Variants in ZFHX3 observed in about 807,000 individuals in gnomAD.
The protein encoded by ZFHX3 is zinc finger homeobox protein 3.
Under a neutral mutation model 279.1 loss-of-function variants are expected in ZFHX3, and 42 were observed. That is an observed-to-expected ratio of 0.15 (90% CI 0.12 to 0.19). The LOEUF (loss-of-function observed/expected upper bound fraction) is 0.19. Among genes scored for constraint, ZFHX3 ranks in the 10% least tolerant of loss-of-function variants. The probability of loss-of-function intolerance (pLI) is 1.00; values close to 1 mark genes in which losing one functional copy is unlikely to be tolerated. For missense variants in ZFHX3, 4,981 were observed against 4,754.0 expected (o/e 1.05, Z -1.40); for synonymous variants, 2,293 against 1,957.8 (o/e 1.17, Z -4.52).
At chr16:73,642,394 A>C (rs185591146) in intron 2 of ZFHX3, among the ~76,000 whole-genome samples, 199 of 152,044 alleles carry the variant, frequency 1.3e-3, no homozygotes, top group Non-Finnish European at 1.1e-3. Context: ...CTCTCTTTTT[A>C]CTTCTGTCAT....
At chr16:73,487,741 G>C (rs957040500) in intron 2 of ZFHX3, 1 of 162,946 alleles carries the variant, frequency 6.1e-6, no homozygotes, top group African/African-American at 2.4e-5. Flanking sequence ...ACTAACTCTG[G>C]GCTTGGCTTT....
intron 5 of ZFHX3, among the ~76,000 whole-genome samples, chr16:73,146,686 A>T (rs1597182224): frequency 6.6e-6 from 1 of 151,592 alleles, no homozygotes. Flanking sequence ...ATTTTTTGAG[A>T]CAGTGTTTTG....
At chr16:73,848,248 A>C (rs1961502022) in intron 1 of ZFHX3, among the ~76,000 whole-genome samples, 2 of 152,038 alleles carry the variant, frequency 1.3e-5, no homozygotes, top group African/African-American at 4.8e-5. Flanking sequence ...AGACTCCCTT[A>C]GGAGCACTCA....
At chr16:73,588,939 G>C (rs936545693) in intron 2 of ZFHX3, among the ~76,000 whole-genome samples, 1 of 151,830 alleles carries the variant, frequency 6.6e-6, no homozygotes, top group Non-Finnish European at 1.5e-5. Flanking sequence ...AGAGAGCCCA[G>C]AGTCTGGTTC....
Position 72,848,698 on chromosome 16 carries a change from G to C in ZFHX3, c.3449-18839C>G, listed in dbSNP as rs984832019. ...TGGCCTGCCAGTGCCTGCCCCTCTT[G>C]CCCGCCCTCCTGATCAGATGCCCCC... On this transcript the variant is annotated intron_variant, in intron 4 of 9. Transcript: ENST00000268489. 5.4e-5 allele frequency among the ~76,000 whole-genome samples: 7 copies of C among 128,660 alleles called. No homozygotes were observed. The Admixed American group carries it at 5.5e-4, about 10-fold the overall frequency. 84.4% of individuals were successfully genotyped at this position (128,660 alleles called of 152,430 possible).
chr16:73,578,496 G>C (rs374172774), intron 2 of ZFHX3, among the ~76,000 whole-genome samples: 2 of 152,066 alleles, frequency 1.3e-5, no homozygotes, highest in Non-Finnish European at 2.9e-5. Flanking sequence ...AAAATGCTAA[G>C]AGGCTTTATG....
At chr16:73,719,370 C>A (rs2053451276) in intron 1 of ZFHX3, among the ~76,000 whole-genome samples, 1 of 152,176 alleles carries the variant, frequency 6.6e-6, no homozygotes. Context: ...TGCGTGGTCA[C>A]CAGCATTTTG....
chr16:72,804,469 A>G (rs2036203350), intron 7 of ZFHX3, among the ~76,000 whole-genome samples: 2 of 152,228 alleles, frequency 1.3e-5, no homozygotes, highest in South Asian at 4.1e-4. Context: ...TTAGGAAATT[A>G]CAAGCTCCCC....
intron 2 of ZFHX3, among the ~76,000 whole-genome samples, chr16:73,645,325 C>T (rs1233146562): frequency 3.3e-5 from 5 of 152,272 alleles, no homozygotes; most frequent in African/African-American, 9.6e-5. Flanking sequence ...GGCATGATCT[C>T]GGCTCACTGC....
intron 3 of ZFHX3, among the ~76,000 whole-genome samples, chr16:73,337,938 A>G (rs2015950037): frequency 7.3e-6 from 1 of 136,284 alleles, no homozygotes; most frequent in African/African-American, 2.6e-5. Context: ...CCTCTGCCTC[A>G]TGTTTTGCTT....
chr16:73,683,691 G>A (rs2053049993), intron 1 of ZFHX3, among the ~76,000 whole-genome samples: 1 of 152,098 alleles, frequency 6.6e-6, no homozygotes, highest in Non-Finnish European at 1.5e-5. Flanking sequence ...ACATGTTTCA[G>A]GGATTTTAGG....
rs2012756558 is a variant in ZFHX3, at chr16:73,231,039, T to C, written c.-1104+26008A>G. On this transcript the variant is annotated intron_variant, in intron 5 of 17. Coordinates refer to the ZFHX3 transcript ENST00000641206. The stretch of plus-strand genomic sequence containing the variant: ...GGGTGATGTGAGCCCAGAGAGATTG[T>C]ATTACCAAATTGCAAAAACGGAGTG... Among the ~76,000 whole-genome samples, 3 of 152,166 alleles carry C rather than the reference T, an allele frequency of 2.0e-5. No homozygotes were observed. In the South Asian group the frequency reaches 6.2e-4, roughly 31 times the overall value.
chr16:73,592,366 G>A (rs1231016202), intron 2 of ZFHX3, among the ~76,000 whole-genome samples: 1 of 151,912 alleles, frequency 6.6e-6, no homozygotes, highest in African/African-American at 2.4e-5. Flanking sequence ...GAGAGAAGGG[G>A]GTGGGATGTG....
At chr16:73,763,110 T>C (rs963370950) in intron 1 of ZFHX3, among the ~76,000 whole-genome samples, 3 of 152,150 alleles carry the variant, frequency 2.0e-5, no homozygotes, top group Non-Finnish European at 4.4e-5. Context: ...ATTAAGTCTG[T>C]GAAAATTAAG....
chr16:73,215,174 A>G (rs561502763), intron 5 of ZFHX3, among the ~76,000 whole-genome samples: 28 of 152,250 alleles, frequency 1.8e-4, no homozygotes, highest in Non-Finnish European at 3.2e-4. Context: ...GACAGCATCT[A>G]CTGGGTATGA....
At chr16:73,572,200 G>C (rs2051747207) in intron 2 of ZFHX3, among the ~76,000 whole-genome samples, 1 of 148,254 alleles carries the variant, frequency 6.7e-6, no homozygotes, top group Admixed American at 6.8e-5. Flanking sequence ...TTTCTGAATT[G>C]GCAGCTCAGA....
chr16:73,234,228 A>G (rs1385404864), intron 5 of ZFHX3, among the ~76,000 whole-genome samples: 3 of 152,078 alleles, frequency 2.0e-5, no homozygotes, highest in African/African-American at 7.2e-5. Flanking sequence ...CCATCCCTGG[A>G]CTCTGTGGCT....
chr16:73,180,910 G>A (rs1452547305), intron 5 of ZFHX3, among the ~76,000 whole-genome samples: 2 of 152,086 alleles, frequency 1.3e-5, no homozygotes, highest in South Asian at 2.1e-4. Context: ...TGATCCACCC[G>A]CCTTGGCCGC....
chr16:73,226,595 A>G (rs993653020), intron 5 of ZFHX3, among the ~76,000 whole-genome samples: 1 of 152,214 alleles, frequency 6.6e-6, no homozygotes, highest in African/African-American at 2.4e-5. Flanking sequence ...CAGAGCGTGT[A>G]TTGTAGCCAC....
Sources: allele counts gnomAD v4.1 joint callset (sites outside exome capture counted in the v4.1 genomes callset), GRCh38; gene constraint gnomAD v4.1.1; transcripts MANE v1.5; gene names NCBI Gene and HGNC (gene_info 2026-07-23, HGNC 2026-07-21).